The following C14orf93 variants were observed in gnomAD, a reference collection of about 807,000 sequenced individuals.
The protein encoded by C14orf93 is chromosome 14 open reading frame 93.
A neutral mutation model predicts 44.0 loss-of-function variants in C14orf93; 23 were observed. The observed-to-expected ratio is 0.52, with a 90% CI of 0.38 to 0.74. The LOEUF is 0.74. C14orf93 is among the 30% of genes least tolerant of loss of function. The pLI is 0.00. For missense variants in C14orf93, 579 were observed against 678.9 expected (o/e 0.85, Z 1.64); for synonymous variants, 253 against 265.7 (o/e 0.95, Z 0.46).
chr14:22,989,303 T>A (rs2045443476), intron 5 of C14orf93, among the ~76,000 whole-genome samples: 1 of 152,200 alleles, frequency 6.6e-6, no homozygotes, highest in African/African-American at 2.4e-5. Flanking sequence ...CTACAAGTAC[T>A]TTTTCAGCAG....
rs754753731 is a variant in C14orf93 at position 22,987,489 on chromosome 14, C to G, written c.1343G>C (p.Arg448Pro). The G allele has an allele frequency of 6.2e-7, 1 of 1,614,198 alleles. No individual in the cohort carries two copies. Among genetic ancestry groups the G allele is most frequent in the Non-Finnish European group, 8.5e-7 (1 of 1,180,042 alleles). The change falls in exon 7 of 7, where the codon CGG (arginine) becomes CCG (proline). Residue 448 changes from arginine to proline, a missense_variant. Arg to Pro is a moderately radical substitution (Grantham distance 103, BLOSUM62 -2). Transcript: ENST00000299088. The surrounding 1 kb of genome is among the most constrained non-coding windows in gnomAD (Gnocchi z 5.6). ...GCAGAGCTCTGTGAGGCGCTGGGCC[C>G]GGAAACGGGGAGGGCGGGCCACCCA... Reference protein sequence around the residue: ...GVWVARPPRFRAQRLTELCYH... With the variant: ...GVWVARPPRFPAQRLTELCYH...
Position 22,996,123 on chromosome 14 carries a change from G to C in C14orf93, c.743C>G (p.Pro248Arg), listed in dbSNP as rs1387882056. ...TGPENGTKLP[P>R]PRPEDMLNAA... Reference sequence around the variant, plus strand: ...ATTGAGCATGTCCTCAGGGCGGGGTGGTGGCAGCTTGGTTCCATTTTCTGG... The same window carrying C: ...ATTGAGCATGTCCTCAGGGCGGGGTCGTGGCAGCTTGGTTCCATTTTCTGG... Residue 248 changes from proline to arginine, a missense_variant, in exon 3 of 7, where the codon CCA (proline) becomes CGA (arginine). Pro to Arg is a moderately radical substitution (Grantham distance 103). Transcript: ENST00000299088. The surrounding 1 kb of genome is among the most constrained non-coding windows in gnomAD (Gnocchi z 4.1). 6.2e-7 allele frequency: 1 copy of C among 1,613,910 alleles called. No homozygotes were observed. Among genetic ancestry groups the C allele is most frequent in the Non-Finnish European group, 8.5e-7 (1 of 1,179,968 alleles).
rs2045996305 is a variant in C14orf93 at position 22,996,796 on chromosome 14, T to C, written c.598-528A>G. On this transcript the variant is annotated intron_variant, in intron 2 of 6. Transcript: ENST00000299088. The surrounding 1 kb of genome is among the most constrained non-coding windows in gnomAD (Gnocchi z 4.1). ...CCAGAGTCAGTCCATGCCCTCACCT[T>C]GATCCTGCCCCGGCCACATTCGACT... Among the ~76,000 whole-genome samples, 1 of 152,158 alleles carries C rather than the reference T, an allele frequency of 6.6e-6. No individual in the cohort carries two copies. The highest frequency in any genetic ancestry group is 1.5e-5 in the Non-Finnish European group (1 of 68,034).
At chr14:22,989,499 A>G (rs938887584) in intron 5 of C14orf93, among the ~76,000 whole-genome samples, 2 of 152,266 alleles carry the variant, frequency 1.3e-5, no homozygotes, top group Non-Finnish European at 1.5e-5. Flanking sequence ...AACAGAATGC[A>G]TGATGCTGTT....
chr14:23,003,700 C>T (rs542865076), intron 1 of C14orf93, among the ~76,000 whole-genome samples: 2 of 150,698 alleles, frequency 1.3e-5, no homozygotes, highest in African/African-American at 4.9e-5. Context: ...ACTCAGGAGG[C>T]TGAGACAGGA....
chr14:23,003,245 A>G (rs2046398958), intron 1 of C14orf93, among the ~76,000 whole-genome samples: 1 of 152,246 alleles, frequency 6.6e-6, no homozygotes, highest in Non-Finnish European at 1.5e-5. Context: ...AAAACTAGGT[A>G]CAGTGTGGTC....
Position 22,987,377 on chromosome 14 carries a change from G to C in C14orf93, c.1455C>G (p.Ala485=). ...TGTAAAGTTCTGGTGGAAGGAGCTG[G>C]GCTTCAGCAGAAGGCAGTCTGTCTG... ...PPSDRLPSAE[A]QLLPPELYNP... Residue 485 remains alanine, a synonymous_variant, in exon 7 of 7, where the codon GCC becomes GCG. Coordinates refer to ENST00000299088, the MANE Select transcript of C14orf93 (RefSeq NM_021944.4). The surrounding 1 kb of genome is among the most constrained non-coding windows in gnomAD (Gnocchi z 5.6). 6.2e-7 allele frequency: 1 copy of C among 1,614,222 alleles called. No homozygotes were observed. The highest frequency in any genetic ancestry group is 8.5e-7 in the Non-Finnish European group (1 of 1,180,048).
At chr14:22,992,436 A>T (rs1402019762) in intron 3 of C14orf93, among the ~76,000 whole-genome samples, 1 of 149,618 alleles carries the variant, frequency 6.7e-6, no homozygotes, top group Admixed American at 6.6e-5. Flanking sequence ...ACTGCACTCC[A>T]GCCTGGGCAA....
intron 2 of C14orf93, among the ~76,000 whole-genome samples, chr14:22,997,941 C>T (rs151182459): frequency 1.3e-5 from 2 of 152,034 alleles, no homozygotes; most frequent in East Asian, 3.9e-4. Flanking sequence ...TCTTTCCCTC[C>T]CTATACTTGT....
chr14:23,000,908 C>T (rs904329388), intron 1 of C14orf93: 1 of 152,180 alleles, frequency 6.6e-6, no homozygotes, highest in Non-Finnish European at 1.5e-5. Flanking sequence ...TTAATTTGCT[C>T]TTTCCACCCT....
Position 23,004,457 on chromosome 14 carries a change from C to T in C14orf93, c.-379-5055G>A, listed in dbSNP as rs558543955. 3.9e-5 allele frequency among the ~76,000 whole-genome samples: 6 copies of T among 152,050 alleles called. No homozygotes were observed. The South Asian group carries it at 1.2e-3, about 32-fold the overall frequency. On this transcript the variant is annotated intron_variant, in intron 1 of 6. Coordinates refer to ENST00000299088, the MANE Select transcript of C14orf93 (RefSeq NM_021944.4). ...ACAGGTGTGAGCCACTGTGCCCAGG[C>T]CCAAAAGTTTTTTATATGTAAGTCC...
chr14:22,987,959 G>A lies in C14orf93; in HGVS notation c.1141C>T (p.Pro381Ser). The change falls in exon 6 of 7, where the codon CCC becomes TCC. Residue 381 changes from proline (P) to serine (S), a missense_variant. By Grantham distance (74) the Pro-to-Ser change is moderately conservative. Transcript: ENST00000299088. This position sits in a 1 kb window ranked among gnomAD's most constrained non-coding sequence, Gnocchi z 5.6. The part of the protein sequence containing the change: ...KRREYRNSLN[P>S]FKGLKEKEEK... ...TCTTTTTCCTTCAGGCCTTTAAAGG[G>A]GTTCAGGGAGTTGCGGTACTCACGC... 6.2e-7 allele frequency: 1 copy of A among 1,613,950 alleles called. No homozygotes were observed. Among genetic ancestry groups the A allele is most frequent in the Non-Finnish European group, 8.5e-7 (1 of 1,179,918 alleles).
chr14:22,987,488 C>G lies in C14orf93; in HGVS notation c.1344G>C (p.Arg448=). 6.2e-7 allele frequency: 1 copy of G among 1,614,200 alleles called. No homozygotes were observed. Among genetic ancestry groups the G allele is most frequent in the Non-Finnish European group, 8.5e-7 (1 of 1,180,036 alleles). ...GVWVARPPRF[R]AQRLTELCYH... is the part of the protein sequence containing the mutation. The stretch of plus-strand genomic sequence containing the variant: ...AGCAGAGCTCTGTGAGGCGCTGGGC[C>G]CGGAAACGGGGAGGGCGGGCCACCC... The change falls in exon 7 of 7, where the codon CGG becomes CGC. Residue 448 remains arginine, a synonymous_variant. Transcript: ENST00000299088. This position sits in a 1 kb window ranked among gnomAD's most constrained non-coding sequence, Gnocchi z 5.6.
Position 22,989,856 on chromosome 14 carries a change from G to A in C14orf93, c.981-11C>T. 6 of 1,608,050 alleles carry A rather than the reference G, an allele frequency of 3.7e-6. No homozygotes were observed. The East Asian group carries it at 1.3e-4, about 36-fold the overall frequency. On this transcript the variant is annotated splice_polypyrimidine_tract_variant and intron_variant, in intron 4 of 6. Coordinates refer to ENST00000299088, the MANE Select transcript of C14orf93 (RefSeq NM_021944.4). ...CAAGAGGACTTGATGCTGCCACAAA[G>A]AGAAGAGAATGAATAAAGTTGTCGG...
chr14:22,998,415 T>C lies in C14orf93; in HGVS notation c.597+12A>G. 2 of 1,522,546 alleles carry C rather than the reference T, an allele frequency of 1.3e-6. No individual in the cohort carries two copies. Among genetic ancestry groups the C allele is most frequent in the East Asian group, 2.3e-5 (1 of 42,878 alleles). 94.3% of individuals were successfully genotyped at this position (1,522,546 alleles called of 1,614,324 possible). On this transcript the variant is annotated intron_variant, in intron 2 of 6. Transcript: ENST00000299088. ...GCACCTAGGAGGAATAGCCCTCTGC[T>C]GCCATACTCACAGGATTGAGCAGGG...
chr14:22,989,882 C>G (rs1224154752), intron 4 of C14orf93, 37 bp from the exon 5 acceptor site: 1 of 1,577,472 alleles, frequency 6.3e-7, no homozygotes. Context: ...AAGTTGTCGG[C>G]TTTGTAAGAG....
intron 1 of C14orf93, among the ~76,000 whole-genome samples, chr14:23,002,036 C>T (rs913136341): frequency 1.1e-4 from 17 of 150,744 alleles, no homozygotes; most frequent in Admixed American, 6.6e-4. Context: ...GTAGTCCCAG[C>T]TACTCTGGAG....
At position 22,998,947 on chromosome 14, in the gene C14orf93, C is replaced by T. The variant is rs751181693; in HGVS notation, c.77G>A (p.Ser26Asn). Reference protein sequence around the residue: ...EARCCCCACKSETNGGNTGSQ... With the variant: ...EARCCCCACKNETNGGNTGSQ... Reference sequence around the variant, plus strand: ...GCCTGTGTTGCCTCCATTAGTCTCACTCTTACAGGCGCAGCAGCAGCATCT... The same window carrying T: ...GCCTGTGTTGCCTCCATTAGTCTCATTCTTACAGGCGCAGCAGCAGCATCT... Residue 26 changes from serine (S) to asparagine (N), a missense_variant, in exon 2 of 7, where the codon AGT becomes AAT. Coordinates refer to ENST00000299088, the MANE Select transcript of C14orf93 (RefSeq NM_021944.4). 4.1e-5 allele frequency: 66 copies of T among 1,613,974 alleles called. No individual in the cohort carries two copies. Among genetic ancestry groups the T allele is most frequent in the Non-Finnish European group, 5.5e-5 (65 of 1,180,038 alleles).
At position 22,996,049 on chromosome 14, in the gene C14orf93, T is replaced by C; in HGVS notation, c.817A>G (p.Thr273Ala). ...CCTAGAGAGTGTCTCAGCTCCCCAG[T>C]GCTCCCAGGGCCTGACTCTTCCAAG... The part of the protein sequence containing the change: ...SALEESGPGS[T>A]GELRHSLGLT... The change falls in exon 3 of 7, where the codon ACT (threonine) becomes GCT (alanine). Residue 273 changes from threonine to alanine, a missense_variant. Coordinates refer to ENST00000299088, the MANE Select transcript of C14orf93 (RefSeq NM_021944.4). This position sits in a 1 kb window ranked among gnomAD's most constrained non-coding sequence, Gnocchi z 4.1. 2 of 1,614,200 alleles carry C rather than the reference T, an allele frequency of 1.2e-6. No homozygotes were observed. Among genetic ancestry groups the C allele is most frequent in the Non-Finnish European group, 8.5e-7 (1 of 1,180,024 alleles).
Sources: gnomAD v4.1 joint callset for allele counts (sites outside exome capture counted in the v4.1 genomes callset) on GRCh38, gnomAD v4.1.1 for gene constraint, Gnocchi (gnomAD v3.1) non-coding constraint, MANE v1.5 for transcripts, NCBI Gene and HGNC (gene_info 2026-07-23, HGNC 2026-07-21) for gene names.